ACSL1: variants seen among roughly 807,000 people sequenced by gnomAD.
ACSL1 encodes the protein long-chain-fatty-acid--CoA ligase 1.
Under a neutral mutation model 98.4 loss-of-function variants are expected in ACSL1, and 41 were observed. The observed-to-expected ratio is 0.42, with a 90% CI of 0.32 to 0.54. ACSL1 has a LOEUF of 0.54. Ranked by LOEUF, ACSL1 falls within the 20% of genes least tolerant of loss-of-function variation. The pLI is 0.13. For missense variants in ACSL1, 734 were observed against 883.1 expected (o/e 0.83, Z 2.14); for synonymous variants, 316 against 322.7 (o/e 0.98, Z 0.22).
intron 1 of ACSL1, among the ~76,000 whole-genome samples, chr4:184,811,110 T>G (rs1198497786): frequency 2.6e-5 from 4 of 151,962 alleles, no homozygotes; most frequent in South Asian, 2.1e-4. Flanking sequence ...CAATGCTTTT[T>G]TTTTGTTTTG....
intron 1 of ACSL1, among the ~76,000 whole-genome samples, chr4:184,814,216 G>A (rs1334016367): frequency 3.3e-5 from 5 of 151,350 alleles, no homozygotes; most frequent in Admixed American, 2.6e-4. Flanking sequence ...GCATGAACCC[G>A]GGAGGCGGAG....
chr4:184,788,468 C>A (rs1251371035), intron 3 of ACSL1, 149 bp downstream of exon 3: 1 of 714,478 alleles, frequency 1.4e-6, no homozygotes, highest in Admixed American at 2.0e-5. Flanking sequence ...AGCTTTGGGA[C>A]CGACTCTGGG....
At chr4:184,770,355 A>G (rs1388400922) in intron 11 of ACSL1, 44 bp downstream of exon 11, 1 of 1,607,106 alleles carries the variant, frequency 6.2e-7, no homozygotes, top group East Asian at 2.3e-5. Flanking sequence ...ACAACTTAGC[A>G]GAACATACAC....
intron 3 of ACSL1, among the ~76,000 whole-genome samples, chr4:184,785,264 G>A (rs376974903): frequency 2.0e-5 from 3 of 152,302 alleles, no homozygotes; most frequent in Admixed American, 1.3e-4. Context: ...AGGGGAACTT[G>A]ATACTATACC....
intron 1 of ACSL1, among the ~76,000 whole-genome samples, chr4:184,816,872 T>A (rs1348800358): frequency 1.3e-5 from 2 of 152,086 alleles, no homozygotes; most frequent in Non-Finnish European, 2.9e-5. Flanking sequence ...GCCCAAAGGT[T>A]TAAACAAAAG....
rs563688533 is a variant in ACSL1, at chr4:184,806,340, T to C, written c.-32-2794A>G. On this transcript the variant is annotated intron_variant, in intron 1 of 20. Coordinates refer to ENST00000281455, the MANE Select transcript of ACSL1 (RefSeq NM_001995.5). ...CCTCAAAGCAGCCTTGGGAATATAA[T>C]GTGCAAACTTGCCTTGCCCTCAAAT... Among the ~76,000 whole-genome samples the C allele has an allele frequency of 3.3e-5, 5 of 152,338 alleles. No homozygotes were observed. The South Asian group carries it at 8.3e-4, about 25-fold the overall frequency.
At position 184,780,345 on chromosome 4, in the gene ACSL1, T is replaced by A; in HGVS notation, c.464A>T (p.Gln155Leu). ...ACTGGTTCATACCTCAGGTCTATTTTGAGCAAAGATGCCAATGAACTGATC... is the reference window on the plus strand; with the variant it reads ...ACTGGTTCATACCTCAGGTCTATTTAGAGCAAAGATGCCAATGAACTGATC... ...APDQFIGIFA[Q>L]NRPEWVIIEQ... The change falls in exon 5 of 21, where the codon CAA becomes CTA. Residue 155 changes from glutamine to leucine, a missense_variant. Physicochemically the swap from Gln to Leu is moderately radical, Grantham distance 113. Transcript: ENST00000281455. 3 of 1,613,830 alleles carry A rather than the reference T, an allele frequency of 1.9e-6. No homozygotes were observed. The highest frequency in any genetic ancestry group is 2.5e-6 in the Non-Finnish European group (3 of 1,179,916).
intron 1 of ACSL1, among the ~76,000 whole-genome samples, chr4:184,809,961 A>C (rs1771882203): frequency 1.3e-5 from 2 of 152,154 alleles, no homozygotes. Context: ...TCTTCCACTG[A>C]AGTTGTTGAA....
At chr4:184,826,101 C>CCGCGGCCCCGCCCTCT (rs1336119835), upstream of ACSL1, 1 of 146,966 alleles carries the variant, frequency 6.8e-6, no homozygotes, top group African/African-American at 2.4e-5. Context: ...CCCCGCCCTC[C>CCGCGGCCCCGCCCTCT]CGCGGCCCCG....
At chr4:184,811,265 C>T (rs55739701) in intron 1 of ACSL1, among the ~76,000 whole-genome samples, 24,590 of 151,370 alleles carry the variant, frequency 0.16, 2,138 homozygotes, top group African/African-American at 0.19. Flanking sequence ...CCCGCCACCA[C>T]GCCTGGCTAA....
chr4:184,807,100 TCTTTCAACG>T (rs1166313734), intron 1 of ACSL1, among the ~76,000 whole-genome samples: 1 of 152,180 alleles, frequency 6.6e-6, no homozygotes, highest in Non-Finnish European at 1.5e-5. Context: ...CAAGAAATAG[TCTTTCAACG>T]CTGTATGTGA....
In ACSL1 at chr4:184,763,196, T is replaced by A. The variant is rs1335828321; in HGVS notation, c.1492A>T (p.Asn498Tyr). The stretch of plus-strand genomic sequence containing the variant: ...CCCTCGCCCTCGGCAGCCATGTAAT[T>A]CATTTCTTCCACATCAACAAGTTTT... ...LIKLVDVEEM[N>Y]YMAAEGEGEV... Residue 498 changes from asparagine (N) to tyrosine (Y), a missense_variant, in exon 16 of 21, where the codon AAT becomes TAT. Coordinates refer to ENST00000281455, the MANE Select transcript of ACSL1 (RefSeq NM_001995.5). 1 of 1,614,068 alleles carries A rather than the reference T, an allele frequency of 6.2e-7. No individual in the cohort carries two copies. Among genetic ancestry groups the A allele is most frequent in the Admixed American group, 1.7e-5 (1 of 59,974 alleles).
Position 184,770,227 on chromosome 4 carries a change from G to A in ACSL1, c.993+172C>T, listed in dbSNP as rs760869323. ...GGGGCTGAGCAGAGAATTCTCTATA[G>A]GGATGACAGTCCGCACGCCACACTT... is the stretch of plus-strand genomic sequence containing the variant. On this transcript the variant is annotated intron_variant, in intron 11 of 20. Transcript: ENST00000281455. 4 of 1,530,848 alleles carry A rather than the reference G, an allele frequency of 2.6e-6. No individual in the cohort carries two copies. The African/African-American group carries it at 4.1e-5, about 16-fold the overall frequency. 94.8% of individuals were successfully genotyped at this position (1,530,848 alleles called of 1,614,324 possible). A position where few individuals can be genotyped will look rare whatever the true frequency, so the allele number is the denominator to read the frequency against.
intron 1 of ACSL1, among the ~76,000 whole-genome samples, chr4:184,816,199 G>A (rs184872818): frequency 1.3e-5 from 2 of 152,196 alleles, no homozygotes; most frequent in East Asian, 3.9e-4. Flanking sequence ...GACGCAGCCT[G>A]CAAAAAACAT....
intron 12 of ACSL1, chr4:184,768,012 C>T (rs1286229390): frequency 1.3e-5 from 6 of 447,102 alleles, no homozygotes; most frequent in Admixed American, 4.3e-5. Context: ...GTAAACAGTC[C>T]GTGTTACACA....
chr4:184,795,705 C>A (rs74735010), intron 2 of ACSL1, among the ~76,000 whole-genome samples: 1 of 152,212 alleles, frequency 6.6e-6, no homozygotes, highest in African/African-American at 2.4e-5. Context: ...CTAAAAGCGT[C>A]CCTAAGTCAG....
intron 1 of ACSL1, among the ~76,000 whole-genome samples, chr4:184,810,714 G>A (rs1771971549): frequency 6.6e-6 from 1 of 151,870 alleles, no homozygotes; most frequent in African/African-American, 2.4e-5. Flanking sequence ...AAACGATAGG[G>A]CTCAAGCGGA....
At chr4:184,808,475 A>G (rs1470790120) in intron 1 of ACSL1, 2 of 985,356 alleles carry the variant, frequency 2.0e-6, no homozygotes, top group Non-Finnish European at 2.4e-6. Context: ...CTGCAGTGGC[A>G]AATTAAGAAA....
chr4:184,816,030 G>C (rs1772599510), intron 1 of ACSL1, among the ~76,000 whole-genome samples: 1 of 152,002 alleles, frequency 6.6e-6, no homozygotes, highest in South Asian at 2.1e-4. Context: ...TGAGGCAGGA[G>C]AGTCGATTGA....
Sources: allele counts gnomAD v4.1 joint callset (sites outside exome capture counted in the v4.1 genomes callset), GRCh38; gene constraint gnomAD v4.1.1; transcripts MANE v1.5; gene names NCBI Gene and HGNC (gene_info 2026-07-23, HGNC 2026-07-21).